SCAI: variants seen among roughly 807,000 people sequenced by gnomAD.
SCAI encodes the protein suppressor of cancer cell invasion.
SCAI carries 24 observed loss-of-function variants against 92.2 expected under a neutral mutation model. That is an observed-to-expected ratio of 0.26 (90% CI 0.19 to 0.37). The LOEUF (loss-of-function observed/expected upper bound fraction) is 0.37. SCAI is among the 10% of genes least tolerant of loss of function. SCAI has a pLI of 1.00. For synonymous variants in SCAI, 261 were observed against 258.6 expected (o/e 1.01, Z -0.09); for missense variants, 450 against 736.2 (o/e 0.61, Z 4.50).
At chr9:125,129,011 C>T (rs1432255247) in intron 2 of SCAI, among the ~76,000 whole-genome samples, 3 of 151,756 alleles carry the variant, frequency 2.0e-5, no homozygotes, top group African/African-American at 7.3e-5. Context: ...TTCAGTGCAC[C>T]GAGATCACGC....
intron 9 of SCAI, among the ~76,000 whole-genome samples, chr9:125,015,878 T>C (rs1318392927): frequency 4.6e-5 from 7 of 151,766 alleles, no homozygotes; most frequent in Middle Eastern, 3.2e-3. Flanking sequence ...ATGTCCTTTG[T>C]AGGGACATGG....
rs905214949 is a variant in SCAI at position 125,143,467 on chromosome 9, C to A, written c.-30G>T. 1.5e-6 allele frequency: 2 copies of A among 1,338,100 alleles called. No individual in the cohort carries two copies. The highest frequency in any genetic ancestry group is 1.8e-5 in the South Asian group (1 of 55,626). 82.9% of individuals were successfully genotyped at this position (1,338,100 alleles called of 1,614,324 possible). On this transcript the variant is annotated 5_prime_UTR_variant, in exon 1 of 18. Transcript: ENST00000336505. ...CTCCTGCTCCGCCGCGGGAGCTGCT[C>A]CGGCGGCCGCAGGGCTCGCTCGGGA...
chr9:125,105,189 G>A (rs900294284), intron 2 of SCAI, among the ~76,000 whole-genome samples: 1 of 151,984 alleles, frequency 6.6e-6, no homozygotes, highest in Non-Finnish European at 1.5e-5. Context: ...TTAAGAATTA[G>A]CTGGGCATGG....
chr9:125,135,065 C>T (rs1035536087), intron 2 of SCAI, among the ~76,000 whole-genome samples: 3 of 152,146 alleles, frequency 2.0e-5, no homozygotes, highest in African/African-American at 7.2e-5. Context: ...CCAAACCCAT[C>T]CCACACTAAC....
chr9:124,982,537 G>A (rs147798556), intron 14 of SCAI, among the ~76,000 whole-genome samples: 31 of 151,838 alleles, frequency 2.0e-4, no homozygotes, highest in Non-Finnish European at 4.1e-4. Context: ...AAAATTAGCC[G>A]GGTATGGTAA....
At position 124,990,412 on chromosome 9, in the gene SCAI, C is replaced by A. The variant is rs547919229; in HGVS notation, c.1326+4522G>T. Reference sequence around the variant, plus strand: ...GCTGAGGCAGGAGAATCGCTTGAACCCAGGAGGCGGAAGTTGCAGTGAGCC... The same window carrying A: ...GCTGAGGCAGGAGAATCGCTTGAACACAGGAGGCGGAAGTTGCAGTGAGCC... On this transcript the variant is annotated intron_variant, in intron 14 of 17. Transcript: ENST00000336505. Among the ~76,000 whole-genome samples the A allele has an allele frequency of 1.2e-3, 179 of 152,072 alleles. 1 individual carries two copies. The highest frequency in any genetic ancestry group is 2.2e-3 in the Non-Finnish European group (147 of 67,944).
chr9:125,043,352 C>CA (rs770042245), intron 3 of SCAI, among the ~76,000 whole-genome samples: 6 of 152,214 alleles, frequency 3.9e-5, no homozygotes, highest in Admixed American at 6.5e-5. Context: ...TTTCTGTGTT[C>CA]ATGTGTATAC....
At position 125,069,366 on chromosome 9, in the gene SCAI, G is replaced by A. The variant is rs78582798; in HGVS notation, c.99-13359C>T. 0.018 allele frequency among the ~76,000 whole-genome samples: 2,718 copies of A among 150,346 alleles called. 159 individuals are homozygous for A. The East Asian group carries it at 0.23, about 13-fold the overall frequency. On this transcript the variant is annotated intron_variant, in intron 2 of 17. Transcript: ENST00000336505. Reference sequence around the variant, plus strand: ...GGAGTCTTGCTCTGTCGCCCAGGCTGGAGTCCAGTGGCGTGATCTTGGCTC... The same window carrying A: ...GGAGTCTTGCTCTGTCGCCCAGGCTAGAGTCCAGTGGCGTGATCTTGGCTC...
At chr9:125,025,849 CAA>C (rs1219077894) in intron 6 of SCAI, among the ~76,000 whole-genome samples, 1 of 152,228 alleles carries the variant, frequency 6.6e-6, no homozygotes, top group African/African-American at 2.4e-5. Context: ...CAGTCAACCA[CAA>C]AGTGTTCTTG....
At chr9:125,126,567 G>GT (rs1835283082) in intron 2 of SCAI, among the ~76,000 whole-genome samples, 4 of 128,586 alleles carry the variant, frequency 3.1e-5, no homozygotes, top group African/African-American at 8.7e-5. Flanking sequence ...GGTGGGTGTG[G>GT]GTGTGTGTGT....
chr9:124,978,547 T>C (rs189521868), intron 14 of SCAI, among the ~76,000 whole-genome samples: 1 of 152,354 alleles, frequency 6.6e-6, no homozygotes, highest in Admixed American at 6.5e-5. Flanking sequence ...AATAGGAGTA[T>C]AAATTGATAT....
At chr9:125,003,007 T>A in intron 11 of SCAI, 107 bp downstream of exon 11, 1 of 706,652 alleles carries the variant, frequency 1.4e-6, no homozygotes, top group Non-Finnish European at 2.4e-6. Flanking sequence ...AGTTTTTCAT[T>A]TTTATATTTT....
At chr9:125,040,958 A>T (rs1464206043) in intron 3 of SCAI, among the ~76,000 whole-genome samples, 1 of 152,128 alleles carries the variant, frequency 6.6e-6, no homozygotes, top group Non-Finnish European at 1.5e-5. Context: ...ATGCTGTAAT[A>T]AATATCTTCA....
At chr9:125,042,634 T>TGTGTGTGTGTGTGTACACACACACACAC (rs761672178) in intron 3 of SCAI, among the ~76,000 whole-genome samples, 1 of 96,192 alleles carries the variant, frequency 1.0e-5, no homozygotes, top group African/African-American at 3.9e-5. Context: ...TGTGTGTGTG[T>TGTGTGTGTGTGTGTACACACACACACAC]ACACACACAC....
In SCAI at chr9:125,039,891, C is replaced by A. The variant is rs1345778556; in HGVS notation, c.231-10152G>T. ...AATAAGCATGGATTCAGGGAAGGGA[C>A]TCATTTTACAAACAATCTATCACAG... On this transcript the variant is annotated intron_variant, in intron 3 of 17. Coordinates refer to ENST00000336505, the MANE Select transcript of SCAI (RefSeq NM_001144877.3). Among the ~76,000 whole-genome samples, 6 of 152,172 alleles carry A rather than the reference C, an allele frequency of 3.9e-5. 1 individual carries two copies. Among genetic ancestry groups the A allele is most frequent in the African/African-American group, 1.4e-4 (6 of 41,452 alleles).
intron 2 of SCAI, among the ~76,000 whole-genome samples, chr9:125,087,016 G>A (rs1311241430): frequency 1.3e-5 from 2 of 151,938 alleles, no homozygotes; most frequent in Non-Finnish European, 2.9e-5. Flanking sequence ...TGAATGAAAA[G>A]GGGCACTATT....
At chr9:125,002,254 A>T (rs1248697067) in intron 11 of SCAI, among the ~76,000 whole-genome samples, 1 of 152,284 alleles carries the variant, frequency 6.6e-6, no homozygotes, top group African/African-American at 2.4e-5. Context: ...AGTTGCAAAG[A>T]CATTCTCTGC....
intron 2 of SCAI, among the ~76,000 whole-genome samples, chr9:125,086,726 C>T (rs1471604556): frequency 2.0e-5 from 3 of 152,154 alleles, no homozygotes; most frequent in Admixed American, 6.5e-5. Context: ...GCAAGAGTGG[C>T]GTGGGTAAGA....
Position 125,138,415 on chromosome 9 carries a change from C to T in SCAI, c.98+4218G>A, listed in dbSNP as rs1835588819. 4.0e-5 allele frequency among the ~76,000 whole-genome samples: 6 copies of T among 151,770 alleles called. No individual in the cohort carries two copies. The South Asian group carries it at 1.3e-3, about 32-fold the overall frequency. On this transcript the variant is annotated intron_variant, in intron 2 of 17. Coordinates refer to ENST00000336505, the MANE Select transcript of SCAI (RefSeq NM_001144877.3). ...GGATTACAGACATGCGCTACCACGC[C>T]CAGCCAATTTTTTTTTTTTGAGGCG...
Sources: allele counts gnomAD v4.1 joint callset (sites outside exome capture counted in the v4.1 genomes callset), GRCh38; gene constraint gnomAD v4.1.1; transcripts MANE v1.5; gene names NCBI Gene and HGNC (gene_info 2026-07-23, HGNC 2026-07-21).